Variants in LINGO1 observed in about 807,000 individuals in gnomAD.
LINGO1 encodes the protein leucine-rich repeat and immunoglobulin-like domain-containing nogo receptor-interacting protein 1.
Under a neutral mutation model 37.3 loss-of-function variants are expected in LINGO1, and 11 were observed. That is an observed-to-expected ratio of 0.29 (90% CI 0.19 to 0.49). The LOEUF is 0.49. LINGO1 is among the 20% of genes least tolerant of loss of function. The pLI is 0.99. For missense variants in LINGO1, 585 were observed against 878.2 expected, an observed-to-expected ratio of 0.67 and a Z score of 4.22; for synonymous variants, 387 against 403.0, an observed-to-expected ratio of 0.96 and a Z score of 0.48.
intron 3 of LINGO1, among the ~76,000 whole-genome samples, chr15:77,658,613 G>C (rs1388614904): frequency 6.6e-6 from 1 of 152,244 alleles, no homozygotes; most frequent in Non-Finnish European, 1.5e-5. Context: ...GGCAGGCCTG[G>C]CAGTAGGGAC....
chr15:77,751,384 A>G (rs911605794), intron 1 of LINGO1, among the ~76,000 whole-genome samples: 5 of 152,312 alleles, frequency 3.3e-5, no homozygotes, highest in African/African-American at 1.2e-4. Flanking sequence ...TCCTACTATT[A>G]TCTACCTTGC....
intron 1 of LINGO1, among the ~76,000 whole-genome samples, chr15:77,810,199 GGTAA>G (rs897677360): frequency 2.0e-5 from 3 of 151,258 alleles, no homozygotes; most frequent in East Asian, 1.9e-4. Flanking sequence ...TCTCCTCTCG[GGTAA>G]GTAACTAGGC....
chr15:77,787,092 C>G (rs4589520), upstream of LINGO1: 84,624 of 151,614 alleles, frequency 0.56, 23,595 homozygotes, highest in South Asian at 0.61. Flanking sequence ...CTGGATCACA[C>G]TGGGTGGGGG....
At chr15:77,656,093 G>A (rs1270804350) in intron 3 of LINGO1, among the ~76,000 whole-genome samples, 10 of 152,222 alleles carry the variant, frequency 6.6e-5, no homozygotes, top group Non-Finnish European at 1.5e-4. Flanking sequence ...TCAGGGGACA[G>A]GGGTGACAGT....
upstream of LINGO1, among the ~76,000 whole-genome samples, chr15:77,639,193 C>T (rs1162033070): frequency 6.6e-6 from 1 of 152,012 alleles, no homozygotes; most frequent in Non-Finnish European, 1.5e-5. Context: ...TTGTGAGAGG[C>T]CCTGAGCTAG....
intron 2 of LINGO1, among the ~76,000 whole-genome samples, chr15:77,678,388 T>A (rs58768836): frequency 0.011 from 1,748 of 152,304 alleles, 36 homozygotes; most frequent in African/African-American, 0.041. Flanking sequence ...GTTCCTGTTG[T>A]TTTGCGTTTT....
At chr15:77,794,753 AATT>A (rs2076859289) in intron 2 of LINGO1, among the ~76,000 whole-genome samples, 1 of 151,350 alleles carries the variant, frequency 6.6e-6, no homozygotes, top group African/African-American at 2.4e-5. Flanking sequence ...ACGCCCTGCT[AATT>A]TTTTGTATTT....
upstream of LINGO1, chr15:77,696,588 GC>G: frequency 6.6e-6 from 1 of 152,668 alleles, no homozygotes; most frequent in Non-Finnish European, 1.5e-5. Context: ...ACCGCGGAGG[GC>G]CCCCCTATCC....
chr15:77,780,979 G>A (rs961560727), intron 1 of LINGO1, among the ~76,000 whole-genome samples: 1 of 152,244 alleles, frequency 6.6e-6, no homozygotes, highest in Non-Finnish European at 1.5e-5. Context: ...AAGTCAAGGA[G>A]AGCTTCCTGA....
rs2076651152 is a variant in LINGO1 at position 77,776,522 on chromosome 15, G to GGAAAGC, written c.-257+10346_-257+10347insGCTTTC. Among the ~76,000 whole-genome samples, 460 of 52,480 alleles carry GGAAAGC rather than the reference G, an allele frequency of 8.8e-3. 1 individual carries two copies. Among genetic ancestry groups the GGAAAGC allele is most frequent in the South Asian group, 0.017 (24 of 1,390 alleles). The allele number at this position is 52,480 out of a possible 152,430, so 34.4% of individuals were successfully genotyped here. A position where few individuals can be genotyped will look rare whatever the true frequency, so the allele number is the denominator to read the frequency against. On this transcript the variant is annotated intron_variant, in intron 1 of 3. Transcript: ENST00000561686. ...GCAGGAAGGCAGGAAGGCAGGAAGG[G>GGAAAGC]AGGAAGGGAGGGAGGGAGGGAGGGA...
chr15:77,760,969 C>G (rs2076471384), intron 1 of LINGO1, among the ~76,000 whole-genome samples: 1 of 144,098 alleles, frequency 6.9e-6, no homozygotes, highest in Non-Finnish European at 1.5e-5. Context: ...CTCTGTCACC[C>G]AGGCTGGAGT....
At chr15:77,789,004 C>T (rs536321760), upstream of LINGO1, among the ~76,000 whole-genome samples, 1 of 152,332 alleles carries the variant, frequency 6.6e-6, no homozygotes, top group South Asian at 2.1e-4. Flanking sequence ...TAGGAACCTC[C>T]TCTCCATGTC....
chr15:77,626,749 G>A (rs1247324434), intron 1 of LINGO1, among the ~76,000 whole-genome samples: 2 of 152,194 alleles, frequency 1.3e-5, no homozygotes, highest in East Asian at 3.8e-4. Context: ...TGAGGAATCC[G>A]ATGAGACATT....
chr15:77,681,957 T>A (rs1338274626), intron 2 of LINGO1, among the ~76,000 whole-genome samples: 1 of 152,090 alleles, frequency 6.6e-6, no homozygotes, highest in Non-Finnish European at 1.5e-5. Context: ...ACCCTGACCA[T>A]CCTGGTTTCC....
chr15:77,759,386 C>T (rs1297650743), intron 1 of LINGO1, among the ~76,000 whole-genome samples: 1 of 152,182 alleles, frequency 6.6e-6, no homozygotes, highest in Non-Finnish European at 1.5e-5. Flanking sequence ...CCCGCAACGC[C>T]TGCTAACTCC....
chr15:77,639,297 G>T (rs1355691935), upstream of LINGO1, among the ~76,000 whole-genome samples: 1 of 152,086 alleles, frequency 6.6e-6, no homozygotes, highest in Non-Finnish European at 1.5e-5. Flanking sequence ...GGAGTGATTT[G>T]TTATGCAGCA....
intron 1 of LINGO1, among the ~76,000 whole-genome samples, chr15:77,774,877 C>T (rs1261844116): frequency 1.3e-5 from 2 of 152,196 alleles, no homozygotes; most frequent in African/African-American, 4.8e-5. Context: ...CCTCAGTGCC[C>T]AGTGTTCTCC....
At chr15:77,789,896 C>CA (rs2076804976), upstream of LINGO1, among the ~76,000 whole-genome samples, 1 of 152,096 alleles carries the variant, frequency 6.6e-6, no homozygotes, top group Non-Finnish European at 1.5e-5. Flanking sequence ...AGCAGCCTCC[C>CA]AAGTAGCTGG....
At chr15:77,662,657 T>C (rs1270930698) in intron 3 of LINGO1, among the ~76,000 whole-genome samples, 1 of 152,188 alleles carries the variant, frequency 6.6e-6, no homozygotes, top group Non-Finnish European at 1.5e-5. Context: ...CAGGCCTGCC[T>C]GCCTCTCTGT....
Sources: allele counts gnomAD v4.1 joint callset (sites outside exome capture counted in the v4.1 genomes callset), GRCh38; gene constraint gnomAD v4.1.1; transcripts MANE v1.5; gene names NCBI Gene and HGNC (gene_info 2026-07-23, HGNC 2026-07-21).